The following VGLL4 variants were observed in gnomAD, a reference collection of about 807,000 sequenced individuals.
The protein encoded by VGLL4 is transcription cofactor vestigial-like protein 4.
Under a neutral mutation model 21.0 loss-of-function variants are expected in VGLL4, and 7 were observed. The observed-to-expected ratio is 0.33, with a 90% CI of 0.19 to 0.63. The LOEUF is 0.63. Ranked by LOEUF, VGLL4 falls within the 20% of genes least tolerant of loss-of-function variation. VGLL4 has a pLI of 0.78. For synonymous variants in VGLL4, 222 were observed against 173.2 expected (o/e 1.28, Z -2.21); for missense variants, 394 against 425.7 (o/e 0.93, Z 0.66).
chr3:11,578,633 C>A (rs1020316535), intron 2 of VGLL4, among the ~76,000 whole-genome samples: 4 of 149,812 alleles, frequency 2.7e-5, no homozygotes, highest in Non-Finnish European at 5.9e-5. Context: ...AATAAATAAA[C>A]CCCAAAACTA....
At chr3:11,709,882 A>G (rs1388255443) in intron 1 of VGLL4, among the ~76,000 whole-genome samples, 1 of 152,176 alleles carries the variant, frequency 6.6e-6, no homozygotes, top group African/African-American at 2.4e-5. Flanking sequence ...GTGTCACTAT[A>G]AAGTAATACC....
Position 11,558,496 on chromosome 3 carries a change from G to C in VGLL4, c.*60C>G. 9.8e-7 allele frequency: 1 copy of C among 1,018,742 alleles called. No individual in the cohort carries two copies. Among genetic ancestry groups the C allele is most frequent in the Non-Finnish European group, 1.3e-6 (1 of 757,830 alleles). The allele number at this position is 1,018,742 out of a possible 1,614,324, so 63.1% of individuals were successfully genotyped here. On this transcript the variant is annotated 3_prime_UTR_variant, in exon 5 of 5. Coordinates refer to ENST00000430365, the MANE Select transcript of VGLL4 (RefSeq NM_001128219.3). ...CATGATTTTTTTTTTTTTAAGTACT[G>C]ACTGTTCAAAGCTCAGGCAAACCAT...
chr3:11,657,780 T>G (rs2075978365), intron 2 of VGLL4, among the ~76,000 whole-genome samples: 1 of 152,134 alleles, frequency 6.6e-6, no homozygotes, highest in East Asian at 1.9e-4. Flanking sequence ...ATTCAAGGAT[T>G]AAGGTTAGAG....
At chr3:11,579,551 G>C (rs1397477161) in intron 2 of VGLL4, among the ~76,000 whole-genome samples, 3 of 152,196 alleles carry the variant, frequency 2.0e-5, no homozygotes, top group Non-Finnish European at 2.9e-5. Context: ...TCACCCAGAA[G>C]TGTTCGTCTG....
chr3:11,596,172 T>C (rs2074635472), intron 2 of VGLL4, among the ~76,000 whole-genome samples: 1 of 152,092 alleles, frequency 6.6e-6, no homozygotes, highest in Non-Finnish European at 1.5e-5. Context: ...AGTTTTAACT[T>C]TGGGGAGCAT....
intron 2 of VGLL4, among the ~76,000 whole-genome samples, chr3:11,664,791 A>T (rs2076085788): frequency 6.6e-6 from 1 of 152,192 alleles, no homozygotes; most frequent in Admixed American, 6.5e-5. Flanking sequence ...ACTATAAAAC[A>T]TGTTTTATAG....
At chr3:11,603,768 A>G (rs2074863297) in intron 1 of VGLL4, among the ~76,000 whole-genome samples, 1 of 152,226 alleles carries the variant, frequency 6.6e-6, no homozygotes, top group South Asian at 2.1e-4. Flanking sequence ...AACTGTGGTC[A>G]TCATTTCATC....
At chr3:11,646,696 T>C (rs2075799050), upstream of VGLL4, among the ~76,000 whole-genome samples, 1 of 152,202 alleles carries the variant, frequency 6.6e-6, no homozygotes, top group African/African-American at 2.4e-5. Flanking sequence ...TAACGTCCCT[T>C]AAGGGACTCA....
rs946666259 is a variant in VGLL4 at position 11,719,972 on chromosome 3, G to T, written c.-14+422C>A. Among the ~76,000 whole-genome samples, 2 of 151,958 alleles carry T rather than the reference G, an allele frequency of 1.3e-5. No homozygotes were observed. Among genetic ancestry groups the T allele is most frequent in the Admixed American group, 1.3e-4 (2 of 15,274 alleles). On this transcript the variant is annotated intron_variant, in intron 1 of 5. Coordinates refer to the VGLL4 transcript ENST00000273038. This position sits in a 1 kb window ranked among gnomAD's most constrained non-coding sequence, Gnocchi z 4.0. ...CGCACGCCCCCGCCCCCGAGGCCCC[G>T]CCAGGGGACACAGCGCCGTGCAAAT...
In VGLL4 at chr3:11,559,415, C is replaced by T. The variant is rs566280584; in HGVS notation, c.536G>A (p.Arg179His). Reference sequence around the variant, plus strand: ...GGGGCAGTGCGAGAGGTTGCAGTTGCGGGCGCCAGCCGAGGCACAGGTGAT... The same window carrying T: ...GGGGCAGTGCGAGAGGTTGCAGTTGTGGGCGCCAGCCGAGGCACAGGTGAT... ...SVITCASAGARNCNLSHCPIA... is the reference protein window; with the variant it reads ...SVITCASAGAHNCNLSHCPIA... Residue 179 changes from arginine to histidine, a missense_variant, in exon 4 of 5, where the codon CGC becomes CAC. Coordinates refer to ENST00000430365, the MANE Select transcript of VGLL4 (RefSeq NM_001128219.3). 2.5e-5 allele frequency: 39 copies of T among 1,563,068 alleles called. No homozygotes were observed. The highest frequency in any genetic ancestry group is 2.2e-4 in the Middle Eastern group (1 of 4,462).
At chr3:11,706,719 C>T (rs1675118774) in intron 1 of VGLL4, among the ~76,000 whole-genome samples, 2 of 152,142 alleles carry the variant, frequency 1.3e-5, no homozygotes, top group Admixed American at 6.5e-5. Context: ...TTTCTGTATA[C>T]TTCCTAGGTG....
intron 2 of VGLL4, among the ~76,000 whole-genome samples, chr3:11,593,301 A>C (rs1362375249): frequency 6.6e-6 from 1 of 152,196 alleles, no homozygotes; most frequent in East Asian, 1.9e-4. Context: ...AGATACCAAA[A>C]ACTACAGATA....
At chr3:11,651,617 AC>A (rs1365256899) in intron 2 of VGLL4, among the ~76,000 whole-genome samples, 1 of 151,926 alleles carries the variant, frequency 6.6e-6, no homozygotes, top group Admixed American at 6.6e-5. Context: ...TCTGTCCCCT[AC>A]CATATTATAA....
intron 3 of VGLL4, among the ~76,000 whole-genome samples, chr3:11,561,916 T>TTTA (rs397943216): frequency 6.7e-6 from 1 of 148,272 alleles, no homozygotes; most frequent in East Asian, 2.0e-4. Context: ...TTTTTTTTTT[T>TTTA]AAAGACAAAG....
At chr3:11,704,226 C>CA (rs2076724937) in intron 1 of VGLL4, among the ~76,000 whole-genome samples, 1 of 150,470 alleles carries the variant, frequency 6.6e-6, no homozygotes, top group Non-Finnish European at 1.5e-5. Flanking sequence ...ACTACAAATA[C>CA]AAAAAAATTA....
chr3:11,711,457 G>A (rs1415390049), intron 1 of VGLL4, among the ~76,000 whole-genome samples: 1 of 151,868 alleles, frequency 6.6e-6, no homozygotes, highest in Non-Finnish European at 1.5e-5. Flanking sequence ...CCAGCTACTC[G>A]GGAGGCTGAG....
At chr3:11,580,498 C>T (rs895696079) in intron 2 of VGLL4, among the ~76,000 whole-genome samples, 2 of 152,180 alleles carry the variant, frequency 1.3e-5, no homozygotes, top group Non-Finnish European at 2.9e-5. Flanking sequence ...TCAGTTATTT[C>T]GTGTGTATAC....
At chr3:11,586,139 CTT>C (rs368056498) in intron 2 of VGLL4, among the ~76,000 whole-genome samples, 13 of 152,118 alleles carry the variant, frequency 8.5e-5, no homozygotes, top group African/African-American at 3.1e-4. Context: ...TTTAAAAAAT[CTT>C]AAAGTATAAA....
At chr3:11,702,357 C>T (rs1023380054) in intron 2 of VGLL4, among the ~76,000 whole-genome samples, 1 of 150,550 alleles carries the variant, frequency 6.6e-6, no homozygotes, top group Non-Finnish European at 1.5e-5. Context: ...CGTGTGTAAT[C>T]CCAGAATTTT....
Sources: allele counts gnomAD v4.1 joint callset (sites outside exome capture counted in the v4.1 genomes callset), GRCh38; gene constraint gnomAD v4.1.1; non-coding constraint Gnocchi (gnomAD v3.1); transcripts MANE v1.5; gene names NCBI Gene and HGNC (gene_info 2026-07-23, HGNC 2026-07-21).